Variants in RNF135 observed in about 807,000 individuals in gnomAD.
RNF135 encodes ring finger protein 135.
A neutral mutation model predicts 41.9 loss-of-function variants in RNF135; 46 were observed. The ratio of observed to expected loss-of-function variants is 1.10; its 90% CI spans 0.87 to 1.40. The LOEUF (loss-of-function observed/expected upper bound fraction) is 1.40. Among genes scored for constraint, RNF135 ranks in the 40% most tolerant of loss-of-function variants. The pLI is 0.00. For missense variants in RNF135, 539 were observed against 549.8 expected (o/e 0.98, Z 0.20); for synonymous variants, 238 against 223.8 (o/e 1.06, Z -0.57).
At chr17:30,973,628 T>G (rs1032828922) in intron 1 of RNF135, among the ~76,000 whole-genome samples, 2 of 151,942 alleles carry the variant, frequency 1.3e-5, no homozygotes, top group African/African-American at 4.8e-5. Flanking sequence ...CCACCACACC[T>G]GGATAATTTT....
chr17:30,971,467 C>T (rs567039440), intron 1 of RNF135, 22 bp downstream of exon 1: 2 of 1,476,706 alleles, frequency 1.4e-6, no homozygotes, highest in African/African-American at 1.5e-5. Flanking sequence ...GGGCCCGCAG[C>T]TCCCCTGGCT....
chr17:30,984,480 G>A (rs1690641401), intron 1 of RNF135, 137 bp from the exon 2 acceptor site: 1 of 859,252 alleles, frequency 1.2e-6, no homozygotes, highest in Non-Finnish European at 1.9e-6. Context: ...GTTTATTTCT[G>A]GGTACTCTAT....
intron 1 of RNF135, chr17:30,973,364 A>G (rs1158625088): frequency 6.6e-6 from 1 of 151,662 alleles, no homozygotes; most frequent in African/African-American, 2.4e-5. Context: ...TTTAAATTTA[A>G]TTTTTATCTG....
intron 1 of RNF135, among the ~76,000 whole-genome samples, chr17:30,976,309 C>A (rs900422390): frequency 6.6e-6 from 1 of 152,164 alleles, no homozygotes; most frequent in African/African-American, 2.4e-5. Context: ...CAGCCTATTT[C>A]AATTTTTTTT....
At chr17:30,983,353 A>ATATATATTT (rs1420453160) in intron 1 of RNF135, among the ~76,000 whole-genome samples, 15 of 35,726 alleles carry the variant, frequency 4.2e-4, no homozygotes, top group Non-Finnish European at 7.5e-4. Context: ...ATATATATAT[A>ATATATATTT]TTTTTTTTTT....
intron 1 of RNF135, among the ~76,000 whole-genome samples, chr17:30,979,664 A>AC (rs1906852415): frequency 2.2e-4 from 23 of 102,616 alleles, no homozygotes; most frequent in African/African-American, 7.9e-4. Flanking sequence ...CGGGGGGCTG[A>AC]TCCCCCCCAC....
At chr17:30,963,496 C>T in the RNF135 span, among the ~76,000 whole-genome samples, 1 of 151,798 alleles carries the variant, frequency 6.6e-6, no homozygotes, top group East Asian at 1.9e-4. Context: ...GGCGTGAACC[C>T]GGGAGGTGGA....
chr17:30,960,783 A>G, the RNF135 span, among the ~76,000 whole-genome samples: 1 of 145,970 alleles, frequency 6.9e-6, no homozygotes, highest in South Asian at 2.2e-4. Flanking sequence ...TCTGTCGCCC[A>G]GGCTGGAGTG....
At chr17:30,988,542 C>G (rs1170284045) in intron 3 of RNF135, among the ~76,000 whole-genome samples, 3 of 148,538 alleles carry the variant, frequency 2.0e-5, no homozygotes, top group South Asian at 4.2e-4. Flanking sequence ...ATTCTCCTGC[C>G]TCAGCCTCCC....
chr17:30,987,803 T>G, intron 2 of RNF135, 141 bp from the exon 3 acceptor site: 1 of 750,366 alleles, frequency 1.3e-6, no homozygotes, highest in Non-Finnish European at 2.2e-6. Flanking sequence ...AAGGCATATT[T>G]TTTGAGGGCC....
chr17:30,989,368 C>G (rs1180049042), intron 3 of RNF135, among the ~76,000 whole-genome samples: 1 of 151,982 alleles, frequency 6.6e-6, no homozygotes, highest in Admixed American at 6.6e-5. Context: ...ACAAACAAAA[C>G]CAGCATGCCA....
chr17:30,971,240 G>C lies in RNF135; in HGVS notation c.167G>C (p.Arg56Pro). The C allele has an allele frequency of 1.3e-6, 2 of 1,517,974 alleles. No individual in the cohort carries two copies. The highest frequency in any genetic ancestry group is 1.8e-6 in the Non-Finnish European group (2 of 1,138,704). The allele number at this position is 1,517,974 out of a possible 1,614,324, so 94.0% of individuals were successfully genotyped here. A position where few individuals can be genotyped will look rare whatever the true frequency, so the allele number is the denominator to read the frequency against. Residue 56 changes from arginine to proline, a missense_variant, in exon 1 of 5, where the codon CGC becomes CCC. Arg to Pro is a moderately radical substitution (Grantham distance 103, BLOSUM62 -2). Transcript: ENST00000328381. The part of the protein sequence containing the change: ...EALWGARDAR[R>P]WACPTCRQGA... Reference sequence around the variant, plus strand: ...CTGTGGGGCGCCCGCGACGCCCGCCGCTGGGCCTGCCCCACTTGCCGCCAG... The same window carrying C: ...CTGTGGGGCGCCCGCGACGCCCGCCCCTGGGCCTGCCCCACTTGCCGCCAG...
upstream of RNF135, chr17:30,969,094 G>A (rs1049214818): frequency 6.6e-6 from 1 of 152,142 alleles, no homozygotes; most frequent in Non-Finnish European, 1.5e-5. Context: ...GTAGAGGCAA[G>A]GTTTCACCAT....
At chr17:30,974,073 A>G (rs1906232487) in intron 1 of RNF135, among the ~76,000 whole-genome samples, 1 of 152,110 alleles carries the variant, frequency 6.6e-6, no homozygotes, top group Admixed American at 6.6e-5. Context: ...GCATGGTGGC[A>G]TGTGCCTGTA....
chr17:30,998,792 C>T lies in RNF135; in HGVS notation c.900C>T (p.Ser300=), dbSNP rs774031509. 39 of 1,611,982 alleles carry T rather than the reference C, an allele frequency of 2.4e-5. No individual in the cohort carries two copies. Among genetic ancestry groups the T allele is most frequent in the Non-Finnish European group, 3.3e-5 (39 of 1,178,534 alleles). The change falls in exon 5 of 5, where the codon AGC becomes AGT. Residue 300 remains serine (S), a synonymous_variant. Coordinates refer to ENST00000328381, the MANE Select transcript of RNF135 (RefSeq NM_032322.4). ...GGAGCTGTGAGAGGTTTTCTACCAG[C>T]CAGGTCTTATGTTCCCAGGCCCTGT... ...YRWSCERFST[S]QVLCSQALSS... is the part of the protein sequence containing the mutation.
At position 30,993,305 on chromosome 17, in the gene RNF135, C is replaced by T. The variant is rs547812583; in HGVS notation, c.680-3937C>T. On this transcript the variant is annotated intron_variant, in intron 3 of 4. Coordinates refer to ENST00000328381, the MANE Select transcript of RNF135 (RefSeq NM_032322.4). ...TGAACTCCTGACCTCAGGTGATCTGCCTGCCTTTGCCTGCCTTGGCATCCC... is the reference window on the plus strand; with the variant it reads ...TGAACTCCTGACCTCAGGTGATCTGTCTGCCTTTGCCTGCCTTGGCATCCC... Among the ~76,000 whole-genome samples, 38 of 152,220 alleles carry T rather than the reference C, an allele frequency of 2.5e-4. No homozygotes were observed. The South Asian group carries it at 7.9e-3, about 32-fold the overall frequency.
chr17:30,972,475 C>G lies in RNF135; in HGVS notation c.372+1030C>G, dbSNP rs1371506864. ...ATTAGTTACATTTCCTGTTGTGCAA[C>G]TATCACTTCTGTTTCCAAAACTGTT... On this transcript the variant is annotated intron_variant, in intron 1 of 4. Coordinates refer to ENST00000328381, the MANE Select transcript of RNF135 (RefSeq NM_032322.4). 7 of 152,232 alleles carry G rather than the reference C, an allele frequency of 4.6e-5. No homozygotes were observed. In the East Asian group the frequency reaches 1.4e-3, roughly 29 times the overall value. The allele number at this position is 152,232 out of a possible 1,614,324, so 9.4% of individuals were successfully genotyped here.
chr17:30,971,720 T>A, intron 1 of RNF135: 1 of 1,310,884 alleles, frequency 7.6e-7, no homozygotes, highest in East Asian at 3.4e-5. Flanking sequence ...ATCTTCGGTC[T>A]CTTTCTCTGA....
chr17:30,975,477 T>G (rs1011963864), intron 1 of RNF135: 2 of 777,296 alleles, frequency 2.6e-6, no homozygotes, highest in Admixed American at 3.4e-5. Context: ...CTGGAAGATC[T>G]GAACATCTTG....
Sources: allele counts gnomAD v4.1 joint callset (sites outside exome capture counted in the v4.1 genomes callset), GRCh38; gene constraint gnomAD v4.1.1; transcripts MANE v1.5; gene names NCBI Gene and HGNC (gene_info 2026-07-23, HGNC 2026-07-21).